Variants in KCNQ1 observed in about 807,000 individuals in gnomAD.
KCNQ1 encodes the protein potassium voltage-gated channel subfamily Q member 1.
In KCNQ1, 49 loss-of-function variants were observed where a neutral mutation model predicts 72.4. That is an observed-to-expected ratio of 0.68 (90% CI 0.54 to 0.86). The LOEUF (loss-of-function observed/expected upper bound fraction) is 0.86, where lower values mean the gene tolerates loss of function less well. Among genes scored for constraint, KCNQ1 ranks in the 40% least tolerant of loss-of-function variants. The pLI is 0.00. For synonymous variants in KCNQ1, 450 were observed against 412.6 expected, an observed-to-expected ratio of 1.09 and a Z score of -1.10; for missense variants, 790 against 945.1, an observed-to-expected ratio of 0.84 and a Z score of 2.15.
chr11:2,506,526 T>C (rs1220323064), intron 1 of KCNQ1, among the ~76,000 whole-genome samples: 1 of 152,236 alleles, frequency 6.6e-6, no homozygotes, highest in East Asian at 1.9e-4. Flanking sequence ...CTTATACATA[T>C]GTCTATTGTA....
chr11:2,615,261 C>A (rs947946269), intron 10 of KCNQ1: 1 of 398,070 alleles, frequency 2.5e-6, no homozygotes. Context: ...ATGTACCCTG[C>A]AATTTTGCTG....
At chr11:2,622,457 G>T (rs1485481052) in intron 10 of KCNQ1, 1 of 398,246 alleles carries the variant, frequency 2.5e-6, no homozygotes, top group Non-Finnish European at 4.4e-6. Flanking sequence ...AAGTGAGTTT[G>T]TTATATACAG....
rs1052069702 is a variant in KCNQ1 at position 2,608,771 on chromosome 11, G to A, written c.1393+19917G>A. ...CCCAAAGTGCTGGGATTACAGGTGTGAGCCACTGCAGCTAGCCTCGTTTTT... is the reference window on the plus strand; with the variant it reads ...CCCAAAGTGCTGGGATTACAGGTGTAAGCCACTGCAGCTAGCCTCGTTTTT... On this transcript the variant is annotated intron_variant, in intron 10 of 15. Transcript: ENST00000155840. This position sits in a 1 kb window ranked among gnomAD's most constrained non-coding sequence, Gnocchi z 4.6. 7 of 398,518 alleles carry A rather than the reference G, an allele frequency of 1.8e-5. No homozygotes were observed. The highest frequency in any genetic ancestry group is 4.4e-5 in the Admixed American group (1 of 22,714). The allele number at this position is 398,518 out of a possible 1,614,324, so 24.7% of individuals were successfully genotyped here.
rs12720457 is a variant in KCNQ1 at position 2,587,620 on chromosome 11, G to T, written c.1179G>T (p.Lys393Asn). The T allele has an allele frequency of 7.8e-4, 1,257 of 1,613,974 alleles. 4 individuals carry two copies. In the Middle Eastern group the frequency reaches 7.9e-3, roughly 10 times the overall value. Residue 393 changes from lysine to asparagine, a missense_variant, in exon 9 of 16, where the codon AAG (lysine) becomes AAT (asparagine). Around this residue, in one of 5 missense-constraint regions of KCNQ1, gnomAD observed 178 missense variants for 177.9 expected, o/e 1.00. Transcript: ENST00000155840. ...AAENPDSSTW[K>N]IYIRKAPRSH... ...AGAACCCCGACTCCTCCACCTGGAA[G>T]ATCTACATCCGGAAGGCCCCCCGGA...
In KCNQ1 at chr11:2,457,107, C is replaced by T. The variant is rs140230876; in HGVS notation, c.386+11623C>T. Among the ~76,000 whole-genome samples, 317 of 152,230 alleles carry T rather than the reference C, an allele frequency of 2.1e-3. 2 individuals carry two copies. The Middle Eastern group carries it at 0.027, about 13-fold the overall frequency. ...AAAGTCACAATGAGATACCATCTCA[C>T]GCCAGTCAGAATGGCCTTTGTTTAA... On this transcript the variant is annotated intron_variant, in intron 1 of 15. Coordinates refer to ENST00000155840, the MANE Select transcript of KCNQ1 (RefSeq NM_000218.3). This position sits in a 1 kb window ranked among gnomAD's most constrained non-coding sequence, Gnocchi z 5.0.
Position 2,676,910 on chromosome 11 carries a change from TAAAAG to T in KCNQ1, c.1514+14830_1514+14834del, listed in dbSNP as rs2133875537. ...GTGTTCAGCCCCAGTGTGCACCACTTAAAAGGAAGACACTGGTATGTTCTGGAGAT... is the reference window on the plus strand; with the variant it reads ...GTGTTCAGCCCCAGTGTGCACCACTTGAAGACACTGGTATGTTCTGGAGAT... On this transcript the variant is annotated intron_variant, in intron 11 of 15. Transcript: ENST00000155840. The surrounding 1 kb of genome is among the most constrained non-coding windows in gnomAD (Gnocchi z 4.2). The T allele has an allele frequency of 5.0e-6, 2 of 398,606 alleles. No individual in the cohort carries two copies. Among genetic ancestry groups the T allele is most frequent in the South Asian group, 2.5e-4 (2 of 7,856 alleles). The allele number at this position is 398,606 out of a possible 1,614,324, so 24.7% of individuals were successfully genotyped here. A position where few individuals can be genotyped will look rare whatever the true frequency, so the allele number is the denominator to read the frequency against.
intron 1 of KCNQ1, among the ~76,000 whole-genome samples, chr11:2,452,221 T>TG (rs1846127667): frequency 6.6e-6 from 1 of 152,166 alleles, no homozygotes; most frequent in Non-Finnish European, 1.5e-5. Flanking sequence ...TGAGTAGCTC[T>TG]CCCCGGCTCC....
intron 6 of KCNQ1, among the ~76,000 whole-genome samples, chr11:2,582,780 A>T (rs1322833474): frequency 6.6e-6 from 1 of 152,020 alleles, no homozygotes; most frequent in African/African-American, 2.4e-5. Context: ...GTAGGCTCCT[A>T]CGTCCTGCAG....
intron 10 of KCNQ1, among the ~76,000 whole-genome samples, chr11:2,605,642 A>G (rs535481235): frequency 1.3e-5 from 2 of 152,344 alleles, no homozygotes; most frequent in South Asian, 2.1e-4. Flanking sequence ...CCCTTGATCT[A>G]CATATCTATC....
At chr11:2,556,290 C>G (rs1375352465) in intron 2 of KCNQ1, among the ~76,000 whole-genome samples, 5 of 152,196 alleles carry the variant, frequency 3.3e-5, no homozygotes, top group Admixed American at 1.3e-4. Context: ...TATTTCCAAA[C>G]AAGGTCACAC....
In KCNQ1 at chr11:2,768,842, A is replaced by G. The variant is rs794728573; in HGVS notation, c.1515-2A>G. The G allele has an allele frequency of 6.2e-7, 1 of 1,613,730 alleles. No individual in the cohort carries two copies. The highest frequency in any genetic ancestry group is 8.5e-7 in the Non-Finnish European group (1 of 1,179,660). On this transcript the variant is annotated splice_acceptor_variant, in intron 11 of 15. Coordinates refer to ENST00000155840, the MANE Select transcript of KCNQ1 (RefSeq NM_000218.3). LOFTEE classifies it high-confidence loss of function. This position sits in a 1 kb window ranked among gnomAD's most constrained non-coding sequence, Gnocchi z 6.7. The stretch of plus-strand genomic sequence containing the variant: ...CAATCTCCTCTCCTCTCTCCACTGC[A>G]GGCTGCGGGAACACCATCGGGCCAC...
chr11:2,786,421 T>A (rs1290905725), intron 15 of KCNQ1, among the ~76,000 whole-genome samples: 1 of 152,144 alleles, frequency 6.6e-6, no homozygotes, highest in African/African-American at 2.4e-5. Context: ...GTTTCTTTTT[T>A]TCTGCCTGAG....
Position 2,579,826 on chromosome 11 carries a change from C to T in KCNQ1, c.922-3609C>T, listed in dbSNP as rs891358417. Among the ~76,000 whole-genome samples, 10 of 152,086 alleles carry T rather than the reference C, an allele frequency of 6.6e-5. No homozygotes were observed. Among genetic ancestry groups the T allele is most frequent in the South Asian group, 2.1e-4 (1 of 4,808 alleles). On this transcript the variant is annotated intron_variant, in intron 6 of 15. Coordinates refer to ENST00000155840, the MANE Select transcript of KCNQ1 (RefSeq NM_000218.3). The surrounding 1 kb of genome is among the most constrained non-coding windows in gnomAD (Gnocchi z 6.0). ...CCCAGCTCAGCCCCAGGAGGTGACA[C>T]CCCCACCCTCAGCAGCTCTCGTCTG...
intron 10 of KCNQ1, among the ~76,000 whole-genome samples, chr11:2,597,844 G>T (rs1050811174): frequency 4.6e-5 from 7 of 152,098 alleles, no homozygotes; most frequent in African/African-American, 1.4e-4. Flanking sequence ...ATTTCCTCAA[G>T]CATTTCAATT....
chr11:2,823,224 A>G (rs767879129), intron 15 of KCNQ1, among the ~76,000 whole-genome samples: 24 of 152,330 alleles, frequency 1.6e-4, no homozygotes, highest in Non-Finnish European at 2.6e-4. Flanking sequence ...TTTTCCAAAC[A>G]TGGGCCTCTG....
Position 2,536,670 on chromosome 11 carries a change from C to T in KCNQ1, c.477+8652C>T, listed in dbSNP as rs1318857337. Among the ~76,000 whole-genome samples the T allele has an allele frequency of 6.6e-6, 1 of 152,194 alleles. No homozygotes were observed. Among genetic ancestry groups the T allele is most frequent in the Non-Finnish European group, 1.5e-5 (1 of 68,020 alleles). On this transcript the variant is annotated intron_variant, in intron 2 of 15. Transcript: ENST00000155840. This position sits in a 1 kb window ranked among gnomAD's most constrained non-coding sequence, Gnocchi z 7.4. ...CCAGGCTGGGCTTCAAAACCGGACACAGGGCGTGGCTCTCCCTCCCAGCCT... is the reference window on the plus strand; with the variant it reads ...CCAGGCTGGGCTTCAAAACCGGACATAGGGCGTGGCTCTCCCTCCCAGCCT...
In KCNQ1 at chr11:2,603,325, CAT is replaced by C. The variant is rs1316092497; in HGVS notation, c.1393+14472_1393+14473del. ...ATGCTGACCCAGAATGAAGTGAGCA[CAT>C]GTTGTTGGAAAAATGGCACTGATAG... On this transcript the variant is annotated intron_variant, in intron 10 of 15. Coordinates refer to ENST00000155840, the MANE Select transcript of KCNQ1 (RefSeq NM_000218.3). This position sits in a 1 kb window ranked among gnomAD's most constrained non-coding sequence, Gnocchi z 4.1. Among the ~76,000 whole-genome samples, 1 of 152,144 alleles carries C rather than the reference CAT, an allele frequency of 6.6e-6. No homozygotes were observed. Among genetic ancestry groups the C allele is most frequent in the African/African-American group, 2.4e-5 (1 of 41,414 alleles).
rs1457285507 is a variant in KCNQ1, at chr11:2,484,004, C to T, written c.386+38520C>T. On this transcript the variant is annotated intron_variant, in intron 1 of 15. Coordinates refer to ENST00000155840, the MANE Select transcript of KCNQ1 (RefSeq NM_000218.3). The surrounding 1 kb of genome is among the most constrained non-coding windows in gnomAD (Gnocchi z 5.2). ...TGCCAAATGGGGATTTGTTTATTTC[C>T]CACTTTCTTTCTATGTTTGTTAATT... Among the ~76,000 whole-genome samples the T allele has an allele frequency of 1.3e-5, 2 of 152,072 alleles. No homozygotes were observed. Among genetic ancestry groups the T allele is most frequent in the African/African-American group, 4.8e-5 (2 of 41,392 alleles).
At position 2,687,297 on chromosome 11, in the gene KCNQ1, C is replaced by T. The variant is rs1373770481; in HGVS notation, c.1514+25216C>T. ...GCCTCCCACCTTGCAGCTTTGAGAT[C>T]CCAGGCCTCTCAGGGCTCTGGCTGA... is the stretch of plus-strand genomic sequence containing the variant. On this transcript the variant is annotated intron_variant, in intron 11 of 15. Coordinates refer to ENST00000155840, the MANE Select transcript of KCNQ1 (RefSeq NM_000218.3). This position sits in a 1 kb window ranked among gnomAD's most constrained non-coding sequence, Gnocchi z 5.0. 2.5e-6 allele frequency: 1 copy of T among 398,556 alleles called. No individual in the cohort carries two copies. Among genetic ancestry groups the T allele is most frequent in the East Asian group, 3.6e-5 (1 of 28,088 alleles). 24.7% of individuals were successfully genotyped at this position (398,556 alleles called of 1,614,324 possible). A position where few individuals can be genotyped will look rare whatever the true frequency, so the allele number is the denominator to read the frequency against.
Sources: allele counts gnomAD v4.1 joint callset (sites outside exome capture counted in the v4.1 genomes callset), GRCh38; gene constraint gnomAD v4.1.1; regional missense constraint gnomAD v4.1.1; non-coding constraint Gnocchi (gnomAD v3.1); transcripts MANE v1.5; gene names NCBI Gene and HGNC (gene_info 2026-07-23, HGNC 2026-07-21).